Variants in PCTP observed in about 807,000 individuals in gnomAD.
PCTP encodes the protein phosphatidylcholine transfer protein.
A neutral mutation model predicts 31.0 loss-of-function variants in PCTP; 27 were observed. The observed-to-expected ratio is 0.87, with a 90% CI of 0.64 to 1.20. The LOEUF (loss-of-function observed/expected upper bound fraction) is 1.20, where lower values mean the gene tolerates loss of function less well. PCTP is among the 50% of genes most tolerant of loss of function. The pLI is 0.00. For synonymous variants in PCTP, 108 were observed against 101.2 expected, an observed-to-expected ratio of 1.07 and a Z score of -0.40; for missense variants, 287 against 268.2, an observed-to-expected ratio of 1.07 and a Z score of -0.49.
At position 55,751,091 on chromosome 17, in the gene PCTP, G is replaced by A. The variant is rs1376183880; in HGVS notation, c.-13G>A. On this transcript the variant is annotated 5_prime_UTR_variant, in exon 1 of 6. Transcript: ENST00000268896. ...GCCTGCCCTCCAGGCGGAGGAGCCCGGACTGCGGAAGGATGGAGCTGGCCG... is the reference window on the plus strand; with the variant it reads ...GCCTGCCCTCCAGGCGGAGGAGCCCAGACTGCGGAAGGATGGAGCTGGCCG... 3 of 1,527,188 alleles carry A rather than the reference G, an allele frequency of 2.0e-6. No homozygotes were observed. The South Asian group carries it at 3.7e-5, about 19-fold the overall frequency. 94.6% of individuals were successfully genotyped at this position (1,527,188 alleles called of 1,614,324 possible). A position where few individuals can be genotyped will look rare whatever the true frequency, so the allele number is the denominator to read the frequency against.
chr17:55,805,918 T>TGTGTGTGTGTGTGTGTGTG (rs1567726531), intron 3 of PCTP, among the ~76,000 whole-genome samples: 54 of 108,900 alleles, frequency 5.0e-4, no homozygotes, highest in African/African-American at 2.2e-3. Context: ...GTGTGTGTGT[T>TGTGTGTGTGTGTGTGTGTG]TGACTTTAGA....
At chr17:55,775,679 A>G in intron 5 of PCTP, 3 of 1,211,580 alleles carry the variant, frequency 2.5e-6, no homozygotes, top group Non-Finnish European at 3.1e-6. Context: ...CCATTTTCTA[A>G]TTCAGTAAAG....
intron 3 of PCTP, among the ~76,000 whole-genome samples, chr17:55,809,022 A>AC (rs781430145): frequency 1.2e-3 from 187 of 152,346 alleles, no homozygotes; most frequent in Admixed American, 3.5e-3. Flanking sequence ...AAAACCAGCT[A>AC]ATCCTAAATC....
Position 55,774,773 on chromosome 17 carries a change from CCTTT to C in PCTP, c.512-13_512-10del. On this transcript the variant is annotated splice_polypyrimidine_tract_variant and intron_variant, in intron 4 of 5. Transcript: ENST00000268896. ...GGTATTTTTCCTTTTTCTGAATTGT[CCTTT>C]CTTTCCCTCTCTAGTTTTCATGTAT... The C allele has an allele frequency of 2.6e-6, 4 of 1,562,236 alleles. No individual in the cohort carries two copies. Among genetic ancestry groups the C allele is most frequent in the Non-Finnish European group, 3.5e-6 (4 of 1,134,750 alleles).
At chr17:55,800,120 G>C (rs939208864) in intron 3 of PCTP, among the ~76,000 whole-genome samples, 2 of 152,082 alleles carry the variant, frequency 1.3e-5, no homozygotes, top group Admixed American at 6.6e-5. Flanking sequence ...ATATTGGCCT[G>C]TCTTGCTAGA....
chr17:55,825,721 A>G (rs1905374810), downstream of PCTP, among the ~76,000 whole-genome samples: 1 of 152,204 alleles, frequency 6.6e-6, no homozygotes, highest in South Asian at 2.1e-4. Context: ...CCATGACTCC[A>G]GGATCCTTAA....
At chr17:55,849,078 A>G in the PCTP span, among the ~76,000 whole-genome samples, 1 of 152,198 alleles carries the variant, frequency 6.6e-6, no homozygotes, top group Non-Finnish European at 1.5e-5. Context: ...CAGATGAACT[A>G]GATATTGCAA....
chr17:55,807,386 G>A (rs1050297782), intron 3 of PCTP, among the ~76,000 whole-genome samples: 44 of 152,072 alleles, frequency 2.9e-4, no homozygotes, highest in African/African-American at 9.9e-4. Context: ...TTCACATGCG[G>A]CTTGGCAAGA....
intron 3 of PCTP, among the ~76,000 whole-genome samples, chr17:55,805,494 T>C (rs1468762074): frequency 6.6e-6 from 1 of 152,138 alleles, no homozygotes; most frequent in Non-Finnish European, 1.5e-5. Flanking sequence ...TGTAGGATAA[T>C]GTCTTCCAGC....
chr17:55,826,372 T>C (rs1905397672), downstream of PCTP, among the ~76,000 whole-genome samples: 1 of 151,652 alleles, frequency 6.6e-6, no homozygotes, highest in Admixed American at 6.6e-5. Flanking sequence ...CAGAAACAGA[T>C]GGTAACTCTA....
intron 3 of PCTP, among the ~76,000 whole-genome samples, chr17:55,771,891 A>G (rs1911026849): frequency 6.6e-6 from 1 of 152,144 alleles, no homozygotes; most frequent in Middle Eastern, 3.2e-3. Flanking sequence ...CTCCTTCACC[A>G]TGCTCTTCAA....
downstream of PCTP, among the ~76,000 whole-genome samples, chr17:55,823,348 C>A (rs1184195689): frequency 6.6e-6 from 1 of 152,168 alleles, no homozygotes; most frequent in Non-Finnish European, 1.5e-5. Flanking sequence ...ACAGAATATT[C>A]TACACCCAAA....
chr17:55,850,470 G>A, the PCTP span, among the ~76,000 whole-genome samples: 14 of 152,242 alleles, frequency 9.2e-5, 1 homozygote, highest in East Asian at 2.7e-3. Context: ...CAGTTAAATT[G>A]GGTTAGGACA....
intron 5 of PCTP, among the ~76,000 whole-genome samples, chr17:55,839,069 G>A (rs1905871058): frequency 2.0e-5 from 3 of 152,134 alleles, no homozygotes; most frequent in Non-Finnish European, 4.4e-5. Flanking sequence ...CCATAGGAGA[G>A]CGCAGATAGA....
At chr17:55,841,978 G>A (rs1905997354) in intron 5 of PCTP, among the ~76,000 whole-genome samples, 1 of 152,008 alleles carries the variant, frequency 6.6e-6, no homozygotes, top group Non-Finnish European at 1.5e-5. Flanking sequence ...TTGAGTATGT[G>A]TGTATATAGA....
intron 1 of PCTP, among the ~76,000 whole-genome samples, chr17:55,763,300 G>A (rs1174248591): frequency 6.6e-6 from 1 of 152,182 alleles, no homozygotes; most frequent in Admixed American, 6.5e-5. Context: ...CAACGCTGGT[G>A]AGATGCTCCT....
chr17:55,833,054 A>T (rs1429371156), intron 5 of PCTP, among the ~76,000 whole-genome samples: 1 of 152,180 alleles, frequency 6.6e-6, no homozygotes, highest in Non-Finnish European at 1.5e-5. Context: ...TCTGTCCTTC[A>T]GAGGGGTGTG....
chr17:55,819,869 A>G (rs1023793125), intron 3 of PCTP, among the ~76,000 whole-genome samples: 2 of 152,226 alleles, frequency 1.3e-5, no homozygotes, highest in Non-Finnish European at 2.9e-5. Context: ...AACCCTCTCA[A>G]TTACAATAAA....
intron 3 of PCTP, among the ~76,000 whole-genome samples, chr17:55,810,173 C>T (rs1354484788): frequency 6.6e-6 from 1 of 152,142 alleles, no homozygotes; most frequent in East Asian, 1.9e-4. Flanking sequence ...GCATGCACCA[C>T]TATGTTGGCT....
Sources: allele counts gnomAD v4.1 joint callset (sites outside exome capture counted in the v4.1 genomes callset), GRCh38; gene constraint gnomAD v4.1.1; transcripts MANE v1.5; gene names NCBI Gene and HGNC (gene_info 2026-07-23, HGNC 2026-07-21).